Variants in TTF1 observed in about 807,000 individuals in gnomAD.
The protein encoded by TTF1 is transcription termination factor 1.
Under a neutral mutation model 80.2 loss-of-function variants are expected in TTF1, and 64 were observed. That is an observed-to-expected ratio of 0.80 (90% CI 0.65 to 0.98). The LOEUF (loss-of-function observed/expected upper bound fraction) is 0.98. Among genes scored for constraint, TTF1 ranks in the 50% least tolerant of loss-of-function variants. The probability of loss-of-function intolerance (pLI) is 0.00; values close to 1 mark genes in which losing one functional copy is unlikely to be tolerated. For missense variants in TTF1, 1,023 were observed against 1,086.2 expected (o/e 0.94, Z 0.82); for synonymous variants, 372 against 382.7 (o/e 0.97, Z 0.33).
At position 132,402,693 on chromosome 9, in the gene TTF1, C is replaced by T; in HGVS notation, c.129G>A (p.Val43=). The change falls in exon 2 of 11, where the codon GTG becomes GTA. Residue 43 remains valine (V), a synonymous_variant. Coordinates refer to ENST00000334270, the MANE Select transcript of TTF1 (RefSeq NM_007344.4). ...TCCTAGTTATTTGAGACTGTTCATT[C>T]ACCAGGGAGGAGTCTCTGAAAATTT... ...SHEIFRDSSL[V]NEQSQITRRK... 6.2e-7 allele frequency: 1 copy of T among 1,614,120 alleles called. No homozygotes were observed. The highest frequency in any genetic ancestry group is 8.5e-7 in the Non-Finnish European group (1 of 1,180,036).
rs144478855 is a variant in TTF1 at position 132,405,466 on chromosome 9, T to C, written c.-8+1324A>G. Among the ~76,000 whole-genome samples the C allele has an allele frequency of 3.1e-3, 475 of 152,112 alleles. 2 individuals carry two copies. Among genetic ancestry groups the C allele is most frequent in the African/African-American group, 0.011 (461 of 41,502 alleles). Reference sequence around the variant, plus strand: ...CAGGTGACCCACCTGCCTCGGCCTCTCAAAGCGCTGGGATTACAGGCGTAA... The same window carrying C: ...CAGGTGACCCACCTGCCTCGGCCTCCCAAAGCGCTGGGATTACAGGCGTAA... On this transcript the variant is annotated intron_variant, in intron 1 of 10. Coordinates refer to ENST00000334270, the MANE Select transcript of TTF1 (RefSeq NM_007344.4).
chr9:132,387,614 G>A (rs1044157735), intron 8 of TTF1, among the ~76,000 whole-genome samples: 8 of 152,084 alleles, frequency 5.3e-5, no homozygotes, highest in Non-Finnish European at 5.9e-5. Context: ...TTCCTCAGTC[G>A]ACATGGGCCA....
chr9:132,393,628 T>C (rs2131639022), intron 5 of TTF1, among the ~76,000 whole-genome samples: 1 of 152,354 alleles, frequency 6.6e-6, no homozygotes, highest in African/African-American at 2.4e-5. Context: ...TCGGGGCTCT[T>C]AGCTCTGAAG....
chr9:132,377,423 TGCATGTG>T (rs1849220958), intron 10 of TTF1, among the ~76,000 whole-genome samples: 1 of 98,808 alleles, frequency 1.0e-5, no homozygotes, highest in Non-Finnish European at 2.1e-5. Context: ...TGTGAGTGCA[TGCATGTG>T]GTGTGAGTGC....
chr9:132,397,809 ACC>A (rs1014226432), intron 4 of TTF1, among the ~76,000 whole-genome samples: 1 of 151,974 alleles, frequency 6.6e-6, no homozygotes, highest in African/African-American at 2.4e-5. Context: ...ACAAGGTGAA[ACC>A]CCGTCTCTAC....
intron 1 of TTF1, among the ~76,000 whole-genome samples, chr9:132,406,240 G>A (rs544907807): frequency 1.3e-5 from 2 of 152,302 alleles, no homozygotes; most frequent in Admixed American, 1.3e-4. Flanking sequence ...CTGCTCCCGG[G>A]TGGGCGCTCC....
rs1849783631 is a variant in TTF1 at position 132,402,385 on chromosome 9, T to A, written c.437A>T (p.Gln146Leu). 1 of 1,614,234 alleles carries A rather than the reference T, an allele frequency of 6.2e-7. No individual in the cohort carries two copies. Among genetic ancestry groups the A allele is most frequent in the East Asian group, 2.2e-5 (1 of 44,890 alleles). Reference sequence around the variant, plus strand: ...ATGTGCATGTGACTTAGCAAGTACCTGAAATTTGTCTGTTTTAGGCTTTCT... The same window carrying A: ...ATGTGCATGTGACTTAGCAAGTACCAGAAATTTGTCTGTTTTAGGCTTTCT... ...LPRKPKTDKFQVLAKSHAHKS... is the reference protein window; with the variant it reads ...LPRKPKTDKFLVLAKSHAHKS... The change falls in exon 2 of 11, where the codon CAG becomes CTG. Residue 146 changes from glutamine to leucine, a missense_variant. Transcript: ENST00000334270.
At chr9:132,387,021 G>A (rs903200941) in intron 8 of TTF1, among the ~76,000 whole-genome samples, 2 of 152,110 alleles carry the variant, frequency 1.3e-5, no homozygotes, top group African/African-American at 4.8e-5. Context: ...GCAGTGGCGT[G>A]ATCGTGGCTC....
At chr9:132,392,643 C>G (rs1432146826) in intron 5 of TTF1, among the ~76,000 whole-genome samples, 1 of 152,226 alleles carries the variant, frequency 6.6e-6, no homozygotes, top group Non-Finnish European at 1.5e-5. Context: ...TGGTCACAAC[C>G]TGCACTCACA....
At chr9:132,382,991 G>C (rs893899075) in intron 9 of TTF1, among the ~76,000 whole-genome samples, 3 of 151,798 alleles carry the variant, frequency 2.0e-5, no homozygotes, top group African/African-American at 7.3e-5. Flanking sequence ...CTTGAACCCG[G>C]AAGGTGGAGG....
intron 4 of TTF1, among the ~76,000 whole-genome samples, chr9:132,397,332 T>C (rs1023773869): frequency 1.3e-5 from 2 of 152,214 alleles, no homozygotes; most frequent in Non-Finnish European, 2.9e-5. Context: ...CTAGCCTGCT[T>C]TTCTTCGTGG....
rs754533530 is a variant in TTF1, at chr9:132,402,608, T to C, written c.214A>G (p.Ile72Val). ...LISSPLKKSRICDETANATST... is the reference protein window; with the variant it reads ...LISSPLKKSRVCDETANATST... Reference sequence around the variant, plus strand: ...GTGGCATTTGCAGTCTCATCACAGATTCTGGATTTTTTCAAAGGAGAAGAA... The same window carrying C: ...GTGGCATTTGCAGTCTCATCACAGACTCTGGATTTTTTCAAAGGAGAAGAA... Residue 72 changes from isoleucine (I) to valine (V), a missense_variant, in exon 2 of 11, where the codon ATC becomes GTC. Transcript: ENST00000334270. 5.0e-6 allele frequency: 8 copies of C among 1,613,284 alleles called. No individual in the cohort carries two copies. The highest frequency in any genetic ancestry group is 4.2e-6 in the Non-Finnish European group (5 of 1,179,848).
At chr9:132,388,389 T>G (rs190915063) in intron 7 of TTF1, among the ~76,000 whole-genome samples, 161 bp from the exon 8 acceptor site, 65 of 151,924 alleles carry the variant, frequency 4.3e-4, no homozygotes, top group African/African-American at 1.5e-3. Flanking sequence ...CAGGCTGGAG[T>G]GCAGTGTCAC....
At chr9:132,395,692 G>C (rs1190299940) in intron 5 of TTF1, among the ~76,000 whole-genome samples, 1 of 152,196 alleles carries the variant, frequency 6.6e-6, no homozygotes, top group African/African-American at 2.4e-5. Context: ...CTATGTCTCA[G>C]TTTACAATCA....
rs1849421452 is a variant in TTF1 at position 132,384,332 on chromosome 9, A to C, written c.2378+2224T>G. Among the ~76,000 whole-genome samples the C allele has an allele frequency of 6.6e-6, 1 of 152,226 alleles. No homozygotes were observed. Among genetic ancestry groups the C allele is most frequent in the Admixed American group, 6.5e-5 (1 of 15,270 alleles). ...AAATGAGCTAAGAACCCATCTCAAG[A>C]AGTTGAAGAACAGCAGCAAAATAAA... On this transcript the variant is annotated intron_variant, in intron 9 of 10. Transcript: ENST00000334270. The surrounding 1 kb of genome is among the most constrained non-coding windows in gnomAD (Gnocchi z 4.1).
At chr9:132,398,462 G>T in intron 3 of TTF1, 136 bp from the exon 4 acceptor site, 1 of 834,706 alleles carries the variant, frequency 1.2e-6, no homozygotes, top group Non-Finnish European at 1.8e-6. Flanking sequence ...CCTCCTGCCC[G>T]CACTTGCAGA....
chr9:132,396,074 A>G (rs765239119), intron 5 of TTF1, among the ~76,000 whole-genome samples: 15 of 152,218 alleles, frequency 9.9e-5, no homozygotes, highest in Non-Finnish European at 1.9e-4. Context: ...CACTCTGCTA[A>G]GTGCTGAATG....
At chr9:132,396,363 A>C (rs141785781) in intron 5 of TTF1, 70 bp downstream of exon 5, 2 of 1,455,386 alleles carry the variant, frequency 1.4e-6, no homozygotes, top group African/African-American at 2.8e-5. Flanking sequence ...ACTGCTGTGA[A>C]TATTTTGATT....
Position 132,390,685 on chromosome 9 carries a change from C to G in TTF1, c.2134G>C (p.Val712Leu). 6.2e-7 allele frequency: 1 copy of G among 1,614,226 alleles called. No homozygotes were observed. The highest frequency in any genetic ancestry group is 8.5e-7 in the Non-Finnish European group (1 of 1,180,042). The change falls in exon 7 of 11, where the codon GTT becomes CTT. Residue 712 changes from valine (V) to leucine (L), a missense_variant. Transcript: ENST00000334270. ...ATGCCCTTGTAGAGTTTTTCCCGAA[C>G]AATTGATAGGCAACTTTCAGGATTT... Reference protein sequence around the residue: ...QENPESCLSIVREKLYKGISW... With the variant: ...QENPESCLSILREKLYKGISW...
Sources: gnomAD v4.1 joint callset for allele counts (sites outside exome capture counted in the v4.1 genomes callset) on GRCh38, gnomAD v4.1.1 for gene constraint, Gnocchi (gnomAD v3.1) non-coding constraint, MANE v1.5 for transcripts, NCBI Gene and HGNC (gene_info 2026-07-23, HGNC 2026-07-21) for gene names.